Variants in MPHOSPH10 observed in about 807,000 individuals in gnomAD.
The protein encoded by MPHOSPH10 is M-phase phosphoprotein 10.
A neutral mutation model predicts 77.3 loss-of-function variants in MPHOSPH10; 33 were observed. The ratio of observed to expected loss-of-function variants is 0.43; its 90% confidence interval spans 0.32 to 0.57. The LOEUF is 0.57. MPHOSPH10 is among the 20% of genes least tolerant of loss of function. The pLI is 0.07. For missense variants in MPHOSPH10, 708 were observed against 780.1 expected (o/e 0.91, Z 1.10); for synonymous variants, 245 against 268.0 (o/e 0.91, Z 0.84).
chr2:71,145,884 T>C (rs1271381670), intron 8 of MPHOSPH10, among the ~76,000 whole-genome samples: 1 of 152,236 alleles, frequency 6.6e-6, no homozygotes, highest in Non-Finnish European at 1.5e-5. Flanking sequence ...GGCTCCTTAT[T>C]GCCCAGGCTA....
At chr2:71,136,003 C>T (rs573150565) in intron 4 of MPHOSPH10, among the ~76,000 whole-genome samples, 5 of 152,256 alleles carry the variant, frequency 3.3e-5, no homozygotes, top group Admixed American at 1.3e-4. Context: ...CTGCGCCCAG[C>T]GGATACCACC....
intron 8 of MPHOSPH10, among the ~76,000 whole-genome samples, chr2:71,145,179 C>G (rs1252951811): frequency 6.6e-6 from 1 of 152,178 alleles, no homozygotes; most frequent in African/African-American, 2.4e-5. Flanking sequence ...TCCTTGGAGC[C>G]TCATCTCCTG....
At chr2:71,137,826 A>G (rs1029593193) in intron 4 of MPHOSPH10, among the ~76,000 whole-genome samples, 2 of 152,240 alleles carry the variant, frequency 1.3e-5, no homozygotes, top group Non-Finnish European at 2.9e-5. Context: ...CTGGCATTTT[A>G]TACACTGAAG....
chr2:71,141,719 T>A (rs2103673828), intron 7 of MPHOSPH10, among the ~76,000 whole-genome samples: 2 of 152,252 alleles, frequency 1.3e-5, no homozygotes, highest in Admixed American at 1.3e-4. Flanking sequence ...TTTAGGTCTG[T>A]TTTTTCTTTC....
intron 8 of MPHOSPH10, 27 bp from the exon 9 acceptor site, chr2:71,147,972 C>T: frequency 6.3e-7 from 1 of 1,576,656 alleles, no homozygotes. Context: ...TTCTGGCTTC[C>T]CATTGAATGT....
intron 6 of MPHOSPH10, among the ~76,000 whole-genome samples, chr2:71,140,738 G>A (rs1412046645): frequency 2.0e-5 from 3 of 152,072 alleles, no homozygotes; most frequent in African/African-American, 7.2e-5. Flanking sequence ...GTAAGAGATG[G>A]CCTTATAACA....
chr2:71,130,651 G>T lies in MPHOSPH10; in HGVS notation c.-15G>T. On this transcript the variant is annotated 5_prime_UTR_variant, in exon 1 of 11. Coordinates refer to ENST00000244230, the MANE Select transcript of MPHOSPH10 (RefSeq NM_005791.3). Reference sequence around the variant, plus strand: ...TCCCTTGCATGCTGCATTGTGTCGGGAGTTGCTGACAGCCATGGCGCCGCA... The same window carrying T: ...TCCCTTGCATGCTGCATTGTGTCGGTAGTTGCTGACAGCCATGGCGCCGCA... 6.2e-7 allele frequency: 1 copy of T among 1,604,164 alleles called. No individual in the cohort carries two copies. Among genetic ancestry groups the T allele is most frequent in the Non-Finnish European group, 8.5e-7 (1 of 1,175,534 alleles).
In MPHOSPH10 at chr2:71,150,038, T is replaced by C. The variant is rs1327505609; in HGVS notation, c.*23T>C. ...TAATATATTTTGAATATAATGTAAA[T>C]ATTAATGTGTAAGCTTATATTGTGT... On this transcript the variant is annotated 3_prime_UTR_variant, in exon 11 of 11. Transcript: ENST00000244230. The C allele has an allele frequency of 8.8e-7, 1 of 1,140,354 alleles. No homozygotes were observed. Among genetic ancestry groups the C allele is most frequent in the South Asian group, 1.8e-5 (1 of 55,624 alleles). The allele number at this position is 1,140,354 out of a possible 1,614,324, so 70.6% of individuals were successfully genotyped here. A position where few individuals can be genotyped will look rare whatever the true frequency, so the allele number is the denominator to read the frequency against.
At chr2:71,149,200 G>C (rs529149547) in intron 9 of MPHOSPH10, 23 bp from the exon 10 acceptor site, 2 of 1,527,204 alleles carry the variant, frequency 1.3e-6, no homozygotes, top group South Asian at 2.5e-5. Flanking sequence ...GAATGAATAT[G>C]TTGGTGGTTA....
intron 9 of MPHOSPH10, 111 bp downstream of exon 9, chr2:71,148,217 T>G (rs1363749602): frequency 2.3e-6 from 2 of 878,506 alleles, no homozygotes; most frequent in East Asian, 4.9e-5. Context: ...TATTCCAATG[T>G]ATCTCAGCAG....
chr2:71,150,068 G>T lies in MPHOSPH10; in HGVS notation c.*53G>T, dbSNP rs1284636946. 1.0e-5 allele frequency: 10 copies of T among 977,824 alleles called. No homozygotes were observed. Among genetic ancestry groups the T allele is most frequent in the Non-Finnish European group, 1.4e-5 (10 of 709,248 alleles). 60.6% of individuals were successfully genotyped at this position (977,824 alleles called of 1,614,324 possible). A position where few individuals can be genotyped will look rare whatever the true frequency, so the allele number is the denominator to read the frequency against. On this transcript the variant is annotated 3_prime_UTR_variant, in exon 11 of 11. Transcript: ENST00000244230. ...ATGTGTAAGCTTATATTGTGTCATT[G>T]TTCTGTTTTATAATAAAATTCTTGA... is the stretch of plus-strand genomic sequence containing the variant.
intron 10 of MPHOSPH10, 92 bp from the exon 11 acceptor site, chr2:71,149,774 C>T: frequency 9.3e-7 from 1 of 1,074,228 alleles, no homozygotes; most frequent in Non-Finnish European, 1.3e-6. Flanking sequence ...TTTATGGTTG[C>T]ATACATTGTT....
chr2:71,139,646 CT>C (rs1003728210), intron 5 of MPHOSPH10, 148 bp from the exon 6 acceptor site: 1 of 589,522 alleles, frequency 1.7e-6, no homozygotes, highest in Non-Finnish European at 3.0e-6. Flanking sequence ...CTCTTCCCCA[CT>C]TTCTGATTCA....
chr2:71,135,282 A>G (rs1673465600), intron 4 of MPHOSPH10, among the ~76,000 whole-genome samples: 1 of 152,080 alleles, frequency 6.6e-6, no homozygotes, highest in South Asian at 2.1e-4. Flanking sequence ...GTGGTGGCTC[A>G]TGCCTGTAAT....
chr2:71,143,267 G>T (rs1430511384), intron 7 of MPHOSPH10, among the ~76,000 whole-genome samples: 1 of 151,230 alleles, frequency 6.6e-6, no homozygotes, highest in Non-Finnish European at 1.5e-5. Flanking sequence ...TCAGCCTCCT[G>T]AGTAACAGGC....
chr2:71,148,374 G>C, intron 9 of MPHOSPH10: 1 of 307,888 alleles, frequency 3.2e-6, no homozygotes. Context: ...AATCCAATCT[G>C]AATACTAGCA....
intron 4 of MPHOSPH10, among the ~76,000 whole-genome samples, chr2:71,136,549 A>G (rs1673494659): frequency 6.7e-6 from 1 of 148,882 alleles, no homozygotes; most frequent in East Asian, 2.0e-4. Context: ...CAGGCAGAGA[A>G]TGAAAGATAC....
At chr2:71,144,683 C>CT in intron 8 of MPHOSPH10, 145 bp downstream of exon 8, 1 of 647,096 alleles carries the variant, frequency 1.5e-6, no homozygotes. Context: ...ATGAGGAAAG[C>CT]TCACTTCTGG....
At chr2:71,131,512 G>A (rs1177938749) in intron 1 of MPHOSPH10, among the ~76,000 whole-genome samples, 3 of 152,222 alleles carry the variant, frequency 2.0e-5, no homozygotes, top group Non-Finnish European at 4.4e-5. Context: ...TGTCAAGCGC[G>A]TCTGTGTGAA....
Sources: gnomAD v4.1 joint callset for allele counts (sites outside exome capture counted in the v4.1 genomes callset) on GRCh38, gnomAD v4.1.1 for gene constraint, MANE v1.5 for transcripts, NCBI Gene and HGNC (gene_info 2026-07-23, HGNC 2026-07-21) for gene names.